ANTXR1: variants seen among roughly 807,000 people sequenced by gnomAD.
The protein encoded by ANTXR1 is anthrax toxin receptor 1.
In ANTXR1, 19 loss-of-function variants were observed where a neutral mutation model predicts 78.1. That is an observed-to-expected ratio of 0.24 (90% CI 0.17 to 0.36). The LOEUF is 0.36. Ranked by LOEUF, ANTXR1 falls within the 10% of genes least tolerant of loss-of-function variation. The probability of loss-of-function intolerance (pLI) is 1.00; values close to 1 mark genes in which losing one functional copy is unlikely to be tolerated. For missense variants in ANTXR1, 518 were observed against 718.6 expected (o/e 0.72, Z 3.19); for synonymous variants, 273 against 260.5 (o/e 1.05, Z -0.46).
chr2:69,245,177 G>A (rs748475715), intron 17 of ANTXR1, 48 bp from the exon 18 acceptor site: 25 of 1,611,774 alleles, frequency 1.6e-5, no homozygotes, highest in Non-Finnish European at 2.0e-5. Flanking sequence ...CACAGGCCCT[G>A]ATGTGAGGCC....
chr2:69,065,578 A>G (rs1321120317), intron 3 of ANTXR1, among the ~76,000 whole-genome samples: 1 of 152,218 alleles, frequency 6.6e-6, no homozygotes, highest in South Asian at 2.1e-4. Context: ...TTCAACAATT[A>G]TAAGGGAAAT....
chr2:69,072,854 G>T (rs942676404), intron 5 of ANTXR1, among the ~76,000 whole-genome samples, 168 bp from the exon 6 acceptor site: 4 of 152,222 alleles, frequency 2.6e-5, no homozygotes, highest in African/African-American at 9.6e-5. Flanking sequence ...CCCCATGGGG[G>T]ATCCTTCTTC....
At chr2:69,153,933 G>C (rs1281575085) in intron 13 of ANTXR1, among the ~76,000 whole-genome samples, 2 of 152,112 alleles carry the variant, frequency 1.3e-5, no homozygotes, top group African/African-American at 4.8e-5. Flanking sequence ...AGGACAATAA[G>C]AGCTCCCACC....
chr2:69,087,093 A>G (rs1375829987), intron 8 of ANTXR1, among the ~76,000 whole-genome samples: 2 of 152,214 alleles, frequency 1.3e-5, no homozygotes, highest in African/African-American at 4.8e-5. Flanking sequence ...AGCAGAGGAA[A>G]CTGAGATTTG....
At chr2:69,056,452 T>C (rs1670069038) in intron 3 of ANTXR1, among the ~76,000 whole-genome samples, 1 of 151,680 alleles carries the variant, frequency 6.6e-6, no homozygotes, top group Non-Finnish European at 1.5e-5. Flanking sequence ...ATATTTGAGG[T>C]ATAACAAAAG....
chr2:69,118,334 G>A (rs72827649), intron 10 of ANTXR1, among the ~76,000 whole-genome samples: 6,668 of 151,746 alleles, frequency 0.044, 184 homozygotes, highest in Middle Eastern at 0.11. Context: ...GGGGGACAAG[G>A]TAGGGGGATC....
At chr2:69,157,989 C>T (rs1246771241) in intron 13 of ANTXR1, among the ~76,000 whole-genome samples, 2 of 152,176 alleles carry the variant, frequency 1.3e-5, no homozygotes, top group African/African-American at 4.8e-5. Context: ...TCTCCAGCCT[C>T]ACCTCTTACC....
intron 12 of ANTXR1, among the ~76,000 whole-genome samples, chr2:69,148,333 C>T (rs573055476): frequency 1.3e-5 from 2 of 152,318 alleles, no homozygotes; most frequent in South Asian, 4.1e-4. Context: ...TGCGGGAATG[C>T]TGACACCTCC....
intron 1 of ANTXR1, among the ~76,000 whole-genome samples, chr2:69,036,633 A>T (rs1348801237): frequency 6.6e-6 from 1 of 152,170 alleles, no homozygotes; most frequent in African/African-American, 2.4e-5. Flanking sequence ...AGTAACCAGA[A>T]TTTCAAAGAT....
intron 12 of ANTXR1, chr2:69,145,683 G>A: frequency 3.5e-6 from 4 of 1,138,732 alleles, no homozygotes; most frequent in Middle Eastern, 3.7e-4. Flanking sequence ...GGATTTCACA[G>A]TTTCTTTATT....
intron 17 of ANTXR1, among the ~76,000 whole-genome samples, chr2:69,242,927 A>T (rs1291718114): frequency 6.6e-6 from 1 of 152,268 alleles, no homozygotes; most frequent in Non-Finnish European, 1.5e-5. Flanking sequence ...ATCATGCCTG[A>T]AAGGCTGGAC....
intron 13 of ANTXR1, among the ~76,000 whole-genome samples, chr2:69,161,638 A>G (rs567249474): frequency 6.6e-6 from 1 of 152,212 alleles, no homozygotes; most frequent in African/African-American, 2.4e-5. Context: ...GATGTTTTCC[A>G]TATCAAGTTG....
chr2:69,157,448 C>T (rs1168010985), intron 13 of ANTXR1, among the ~76,000 whole-genome samples: 1 of 152,134 alleles, frequency 6.6e-6, no homozygotes, highest in East Asian at 1.9e-4. Context: ...CAAATGCAGG[C>T]ATCTCACCCT....
intron 10 of ANTXR1, among the ~76,000 whole-genome samples, chr2:69,111,696 C>T (rs900594942): frequency 6.6e-6 from 1 of 152,224 alleles, no homozygotes; most frequent in Non-Finnish European, 1.5e-5. Flanking sequence ...AACTGAACAT[C>T]GGTCAGGAAG....
chr2:69,103,371 G>C, intron 10 of ANTXR1: 1 of 270,184 alleles, frequency 3.7e-6, no homozygotes, highest in Non-Finnish European at 7.3e-6. Flanking sequence ...GGACTCTTAA[G>C]GGTAAGTGTG....
chr2:69,062,725 A>G (rs1670283078), intron 3 of ANTXR1, among the ~76,000 whole-genome samples: 2 of 152,206 alleles, frequency 1.3e-5, no homozygotes, highest in Admixed American at 6.5e-5. Context: ...TACTCACAAT[A>G]AAGAAAAACA....
chr2:69,033,449 G>C (rs1014207560), intron 1 of ANTXR1, among the ~76,000 whole-genome samples: 1 of 152,196 alleles, frequency 6.6e-6, no homozygotes, highest in Non-Finnish European at 1.5e-5. Context: ...AATATGCAAA[G>C]AGTAGAAGCA....
chr2:69,106,565 A>G (rs946822449), intron 10 of ANTXR1, among the ~76,000 whole-genome samples: 15 of 152,240 alleles, frequency 9.9e-5, no homozygotes, highest in Non-Finnish European at 1.9e-4. Flanking sequence ...AGGCTCCAGC[A>G]GGATACACCA....
At chr2:69,141,265 T>G (rs751738420) in intron 12 of ANTXR1, among the ~76,000 whole-genome samples, 16 of 152,208 alleles carry the variant, frequency 1.1e-4, no homozygotes, top group Non-Finnish European at 1.9e-4. Flanking sequence ...GAAGTGCCAT[T>G]TTTTGAAGGC....
Sources: gnomAD v4.1 joint callset for allele counts (sites outside exome capture counted in the v4.1 genomes callset) on GRCh38, gnomAD v4.1.1 for gene constraint, MANE v1.5 for transcripts, NCBI Gene and HGNC (gene_info 2026-07-23, HGNC 2026-07-21) for gene names.